Variants in CEP57 observed in about 807,000 individuals in gnomAD.
CEP57 encodes the protein centrosomal protein 57.
In CEP57, 40 loss-of-function variants were observed where a neutral mutation model predicts 68.0. The observed-to-expected ratio is 0.59, with a 90% CI of 0.46 to 0.77. The LOEUF (loss-of-function observed/expected upper bound fraction) is 0.77. Among genes scored for constraint, CEP57 ranks in the 30% least tolerant of loss-of-function variants. The pLI, the probability that CEP57 is intolerant of heterozygous loss-of-function variation, is 0.00. For synonymous variants in CEP57, 219 were observed against 198.7 expected (o/e 1.10, Z -0.86); for missense variants, 606 against 580.7 (o/e 1.04, Z -0.45).
chr11:95,823,587 A>G (rs1862602017), intron 8 of CEP57, among the ~76,000 whole-genome samples: 1 of 150,892 alleles, frequency 6.6e-6, no homozygotes. Context: ...AACAATTTGC[A>G]CACAGACTAC....
intron 2 of CEP57, among the ~76,000 whole-genome samples, chr11:95,804,964 CAG>C (rs2135283106): frequency 6.6e-6 from 1 of 152,156 alleles, no homozygotes; most frequent in Admixed American, 6.5e-5. Context: ...CGCATTTAAA[CAG>C]GGATATGTAA....
At chr11:95,807,512 A>T (rs1279284903) in intron 2 of CEP57, among the ~76,000 whole-genome samples, 3 of 152,216 alleles carry the variant, frequency 2.0e-5, no homozygotes, top group African/African-American at 7.2e-5. Context: ...AACAGCGTAG[A>T]GAAGACCTTA....
rs370459541 is a variant in CEP57 at position 95,827,964 on chromosome 11, G to A, written c.1064G>A (p.Gly355Asp). ...TCAGTAACACCTCCCTCCTCCAACG[G>A]TATTAATGAGGAGTTGTCAGAAGTC... ...KLSVTPPSSNGINEELSEVLQ... is the reference protein window; with the variant it reads ...KLSVTPPSSNDINEELSEVLQ... Residue 355 changes from glycine (G) to aspartate (D), a missense_variant, in exon 9 of 11, where the codon GGT becomes GAT. Gly to Asp is a moderately conservative substitution (Grantham distance 94). Transcript: ENST00000325542. 2 of 1,613,844 alleles carry A rather than the reference G, an allele frequency of 1.2e-6. No individual in the cohort carries two copies. The highest frequency in any genetic ancestry group is 2.7e-5 in the African/African-American group (2 of 74,874).
At chr11:95,800,930 G>A (rs1861550714) in intron 2 of CEP57, among the ~76,000 whole-genome samples, 1 of 152,108 alleles carries the variant, frequency 6.6e-6, no homozygotes, top group African/African-American at 2.4e-5. Flanking sequence ...GGGATGCTGT[G>A]GCATTTCCTT....
At chr11:95,803,161 C>T (rs562319369) in intron 2 of CEP57, among the ~76,000 whole-genome samples, 3 of 152,134 alleles carry the variant, frequency 2.0e-5, no homozygotes, top group African/African-American at 7.2e-5. Flanking sequence ...ATGGAGAAAT[C>T]TTTGAGTCTA....
At chr11:95,801,691 T>A (rs1228482003) in intron 2 of CEP57, among the ~76,000 whole-genome samples, 3 of 151,180 alleles carry the variant, frequency 2.0e-5, no homozygotes, top group African/African-American at 7.3e-5. Context: ...TAGCAAAGAA[T>A]AAGAAATATT....
At chr11:95,795,043 G>A (rs149067211) in intron 1 of CEP57, among the ~76,000 whole-genome samples, 2 of 152,250 alleles carry the variant, frequency 1.3e-5, no homozygotes, top group East Asian at 3.9e-4. Context: ...CCACTTGGAG[G>A]TGGGGGGGTC....
chr11:95,812,766 T>TA, intron 2 of CEP57, 166 bp from the exon 3 acceptor site: 1 of 697,988 alleles, frequency 1.4e-6, no homozygotes, highest in Non-Finnish European at 2.5e-6. Flanking sequence ...ATTGATTTTT[T>TA]AAAAAACAAA....
rs376366996 is a variant in CEP57 at position 95,821,946 on chromosome 11, A to G, written c.775A>G (p.Ile259Val). The G allele has an allele frequency of 1.9e-6, 3 of 1,612,850 alleles. No individual in the cohort carries two copies. The highest frequency in any genetic ancestry group is 2.5e-6 in the Non-Finnish European group (3 of 1,179,512). ...ATPCVPNARR[I>V]KKKKSKPPEK... The stretch of plus-strand genomic sequence containing the variant: ...TCCGTGTGTTCCCAATGCAAGAAGA[A>G]TTAAAAAAAAGAAGTCAAAACCACC... The change falls in exon 7 of 11, where the codon ATT becomes GTT. Residue 259 changes from isoleucine (I) to valine (V), a missense_variant. Ile to Val is a conservative substitution (Grantham distance 29). Transcript: ENST00000325542.
chr11:95,811,890 C>T (rs1862078631), intron 2 of CEP57, among the ~76,000 whole-genome samples: 1 of 152,120 alleles, frequency 6.6e-6, no homozygotes, highest in African/African-American at 2.4e-5. Context: ...TCTTTTAAGA[C>T]TGATTGCCTG....
At chr11:95,814,223 T>G (rs374031079) in intron 4 of CEP57, among the ~76,000 whole-genome samples, 6 of 151,676 alleles carry the variant, frequency 4.0e-5, no homozygotes, top group East Asian at 3.9e-4. Context: ...CAGCTAACTT[T>G]TGTGTGTGTG....
chr11:95,810,772 C>A (rs1231668021), intron 2 of CEP57, among the ~76,000 whole-genome samples: 2 of 152,152 alleles, frequency 1.3e-5, no homozygotes, highest in African/African-American at 4.8e-5. Flanking sequence ...GCCATACTGC[C>A]CAAGGTAATT....
intron 2 of CEP57, among the ~76,000 whole-genome samples, chr11:95,801,306 A>G (rs147419338): frequency 2.7e-4 from 41 of 152,190 alleles, no homozygotes; most frequent in Non-Finnish European, 5.1e-4. Context: ...CCTCTTTATT[A>G]TAAGATACTG....
At chr11:95,823,107 T>C (rs1446417967) in intron 8 of CEP57, 1 of 154,540 alleles carries the variant, frequency 6.5e-6, no homozygotes, top group Non-Finnish European at 1.4e-5. Flanking sequence ...AAAACTGTGC[T>C]AGTTGACACT....
chr11:95,792,621 A>G (rs1245587613), intron 1 of CEP57, among the ~76,000 whole-genome samples: 1 of 152,274 alleles, frequency 6.6e-6, no homozygotes, highest in Non-Finnish European at 1.5e-5. Context: ...TCATTAGGAA[A>G]GCATATTTTT....
intron 4 of CEP57, among the ~76,000 whole-genome samples, 175 bp downstream of exon 4, chr11:95,813,764 G>T (rs1280914504): frequency 6.6e-6 from 1 of 152,128 alleles, no homozygotes; most frequent in African/African-American, 2.4e-5. Context: ...TGTTGTTATT[G>T]TTGTGTTTCG....
intron 1 of CEP57, among the ~76,000 whole-genome samples, chr11:95,796,961 C>G (rs557079): frequency 0.28 from 41,866 of 152,070 alleles, 6,990 homozygotes; most frequent in Non-Finnish European, 0.38. Flanking sequence ...TCTGGTGCAG[C>G]ACCTTCCCAG....
rs1377115999 is a variant in CEP57, at chr11:95,831,224, T to C, written c.1471T>C (p.Leu491=). The C allele has an allele frequency of 6.2e-7, 1 of 1,613,388 alleles. No homozygotes were observed. The highest frequency in any genetic ancestry group is 8.5e-7 in the Non-Finnish European group (1 of 1,179,456). ...LKDMQSIQNS[L]QSSSLCWDY is the part of the protein sequence containing the mutation. ...GGACATGCAAAGCATACAGAATTCA[T>C]TACAAAGCAGTAGTTTGTGTTGGGA... Residue 491 remains leucine (L), a synonymous_variant, in exon 11 of 11, where the codon TTA becomes CTA. Coordinates refer to ENST00000325542, the MANE Select transcript of CEP57 (RefSeq NM_014679.5).
intron 4 of CEP57, among the ~76,000 whole-genome samples, chr11:95,816,775 A>G (rs1443690242): frequency 6.6e-6 from 1 of 152,096 alleles, no homozygotes; most frequent in African/African-American, 2.4e-5. Context: ...TCCTAGTATA[A>G]TGGTTTACGG....
Sources: gnomAD v4.1 joint callset for allele counts (sites outside exome capture counted in the v4.1 genomes callset) on GRCh38, gnomAD v4.1.1 for gene constraint, MANE v1.5 for transcripts, NCBI Gene and HGNC (gene_info 2026-07-23, HGNC 2026-07-21) for gene names.